Variants in GRIK2 observed in about 807,000 individuals in gnomAD.
The protein encoded by GRIK2 is glutamate receptor ionotropic, kainate 2.
In GRIK2, 32 loss-of-function variants were observed where a neutral mutation model predicts 100.3. The observed-to-expected ratio is 0.32, with a 90% CI of 0.24 to 0.43. The LOEUF (loss-of-function observed/expected upper bound fraction) is 0.43, where lower values mean the gene tolerates loss of function less well. GRIK2 is among the 20% of genes least tolerant of loss of function. The pLI is 1.00. For synonymous variants in GRIK2, 417 were observed against 389.4 expected (o/e 1.07, Z -0.83); for missense variants, 843 against 1,114.9 (o/e 0.76, Z 3.47).
intron 14 of GRIK2, among the ~76,000 whole-genome samples, chr6:101,974,201 A>G (rs958395800): frequency 6.6e-6 from 1 of 151,974 alleles, no homozygotes; most frequent in African/African-American, 2.4e-5. Flanking sequence ...AATACCAATG[A>G]GTATTATAAA....
At chr6:101,530,103 C>T (rs1775357978) in intron 2 of GRIK2, among the ~76,000 whole-genome samples, 1 of 151,986 alleles carries the variant, frequency 6.6e-6, no homozygotes, top group Non-Finnish European at 1.5e-5. Context: ...AGTCTATATA[C>T]AGTGGAATAT....
At chr6:101,427,141 A>G (rs1359483307) in intron 2 of GRIK2, among the ~76,000 whole-genome samples, 2 of 152,170 alleles carry the variant, frequency 1.3e-5, no homozygotes, top group East Asian at 3.9e-4. Context: ...CAATTACCAC[A>G]TGGTATGGAA....
At chr6:101,704,261 T>A (rs961543864) in intron 7 of GRIK2, among the ~76,000 whole-genome samples, 1 of 151,682 alleles carries the variant, frequency 6.6e-6, no homozygotes, top group African/African-American at 2.4e-5. Flanking sequence ...TATAAACAAA[T>A]AATTATAATA....
At chr6:102,022,798 A>C (rs1335023) in intron 14 of GRIK2, among the ~76,000 whole-genome samples, 91,602 of 151,346 alleles carry the variant, frequency 0.61, 28,457 homozygotes, top group African/African-American at 0.75. Flanking sequence ...AATGGGTAGA[A>C]AACTAGCTGT....
At chr6:101,858,376 ATTTTTTTTTC>A (rs1322972736) in intron 10 of GRIK2, among the ~76,000 whole-genome samples, 6 of 125,468 alleles carry the variant, frequency 4.8e-5, no homozygotes, top group Admixed American at 1.8e-4. Context: ...CTCTCTCTCT[ATTTTTTTTTC>A]TTTTTTTTTT....
At chr6:101,424,542 G>A (rs1428650091) in intron 2 of GRIK2, among the ~76,000 whole-genome samples, 2 of 149,654 alleles carry the variant, frequency 1.3e-5, no homozygotes, top group South Asian at 2.1e-4. Context: ...GTGTATGTGT[G>A]CCACATTTTC....
chr6:101,813,333 G>A (rs1409158463), intron 9 of GRIK2, among the ~76,000 whole-genome samples: 4 of 152,020 alleles, frequency 2.6e-5, no homozygotes, highest in African/African-American at 9.7e-5. Context: ...GAAGGAAGAC[G>A]GCTCTGATAT....
intron 13 of GRIK2, among the ~76,000 whole-genome samples, chr6:101,926,639 C>T (rs923465455): frequency 1.3e-5 from 2 of 152,110 alleles, no homozygotes; most frequent in Non-Finnish European, 2.9e-5. Flanking sequence ...TTCAAATATA[C>T]ATTTGCTTCG....
At chr6:101,446,206 T>C (rs571801432) in intron 2 of GRIK2, among the ~76,000 whole-genome samples, 2 of 152,078 alleles carry the variant, frequency 1.3e-5, no homozygotes, top group East Asian at 3.9e-4. Context: ...CACTGCTCTG[T>C]ATCTAGTTAG....
intron 10 of GRIK2, among the ~76,000 whole-genome samples, chr6:101,827,577 G>A (rs1251104823): frequency 1.3e-5 from 2 of 151,828 alleles, no homozygotes; most frequent in Admixed American, 1.3e-4. Flanking sequence ...AAAGGATGGA[G>A]AAAGATCTGT....
intron 16 of GRIK2, chr6:102,064,195 A>C (rs2114531930): frequency 2.1e-6 from 1 of 482,540 alleles, no homozygotes; most frequent in South Asian, 3.6e-5. Context: ...GTGATTTTAA[A>C]AGCAAGATAG....
chr6:101,650,932 T>C (rs2128328295), intron 4 of GRIK2, among the ~76,000 whole-genome samples: 1 of 152,050 alleles, frequency 6.6e-6, no homozygotes, highest in Admixed American at 6.6e-5. Flanking sequence ...GGAGCATTGT[T>C]TTGCACTTCT....
intron 7 of GRIK2, among the ~76,000 whole-genome samples, chr6:101,788,358 C>A (rs1013967915): frequency 2.2e-4 from 33 of 152,032 alleles, no homozygotes; most frequent in Middle Eastern, 6.8e-3. Context: ...ATCCCTCCCC[C>A]CTGCCCCCAC....
intron 2 of GRIK2, among the ~76,000 whole-genome samples, chr6:101,466,231 T>C (rs1329187641): frequency 6.6e-6 from 1 of 152,128 alleles, no homozygotes; most frequent in African/African-American, 2.4e-5. Flanking sequence ...TAATTTAATT[T>C]TATTCACCTC....
intron 4 of GRIK2, among the ~76,000 whole-genome samples, chr6:101,634,498 G>A (rs1254909887): frequency 6.6e-6 from 1 of 151,984 alleles, no homozygotes; most frequent in Non-Finnish European, 1.5e-5. Flanking sequence ...ATAGGAACTT[G>A]GTCTGGGCAG....
chr6:102,011,640 G>A (rs1407410303), intron 14 of GRIK2, among the ~76,000 whole-genome samples: 6 of 133,428 alleles, frequency 4.5e-5, no homozygotes, highest in Non-Finnish European at 9.2e-5. Flanking sequence ...TTGGAGTGCA[G>A]TGGCGCGATC....
At chr6:101,643,025 A>G (rs1178202997) in intron 4 of GRIK2, among the ~76,000 whole-genome samples, 1 of 151,560 alleles carries the variant, frequency 6.6e-6, no homozygotes, top group African/African-American at 2.4e-5. Flanking sequence ...TGAATATTTT[A>G]TTTGGGGAAA....
At chr6:101,665,324 C>G (rs180875271) in intron 4 of GRIK2, among the ~76,000 whole-genome samples, 42 of 152,252 alleles carry the variant, frequency 2.8e-4, no homozygotes, top group African/African-American at 9.6e-4. Context: ...ATTCTGTTCT[C>G]CATGCTGTTT....
At chr6:101,589,963 T>G (rs2128306160) in intron 2 of GRIK2, among the ~76,000 whole-genome samples, 1 of 152,224 alleles carries the variant, frequency 6.6e-6, no homozygotes, top group Admixed American at 6.6e-5. Flanking sequence ...AACATTTTAA[T>G]ATTTGATGTA....
Sources: gnomAD v4.1 joint callset for allele counts (sites outside exome capture counted in the v4.1 genomes callset) on GRCh38, gnomAD v4.1.1 for gene constraint, MANE v1.5 for transcripts, NCBI Gene and HGNC (gene_info 2026-07-23, HGNC 2026-07-21) for gene names.